ZNF516: variants seen among roughly 807,000 people sequenced by gnomAD.
ZNF516 encodes the protein zinc finger protein 516.
In ZNF516, 19 loss-of-function variants were observed where a neutral mutation model predicts 79.7. That is an observed-to-expected ratio of 0.24 (90% CI 0.17 to 0.35). ZNF516 has a LOEUF of 0.35. Ranked by LOEUF, ZNF516 falls within the 10% of genes least tolerant of loss-of-function variation. The probability of loss-of-function intolerance (pLI) is 1.00; values close to 1 mark genes in which losing one functional copy is unlikely to be tolerated. For missense variants in ZNF516, 1,678 were observed against 1,679.5 expected (o/e 1.00, Z 0.02); for synonymous variants, 877 against 739.5 (o/e 1.19, Z -3.02).
chr18:76,425,821 A>G (rs2075586091), intron 3 of ZNF516, among the ~76,000 whole-genome samples: 1 of 152,232 alleles, frequency 6.6e-6, no homozygotes, highest in Non-Finnish European at 1.5e-5. Context: ...GTCGAGGTCC[A>G]GGTAAGAGAC....
At chr18:76,409,105 T>C (rs2075340022) in intron 3 of ZNF516, among the ~76,000 whole-genome samples, 1 of 152,152 alleles carries the variant, frequency 6.6e-6, no homozygotes. Flanking sequence ...ATCTCCCTAA[T>C]ATAAGCAAAT....
intron 1 of ZNF516, among the ~76,000 whole-genome samples, chr18:76,473,904 G>GTGTGTGTGT (rs1555718878): frequency 1.2e-3 from 78 of 63,052 alleles, no homozygotes; most frequent in Non-Finnish European, 2.1e-3. Context: ...GTTTTTGTGT[G>GTGTGTGTGT]GGGGGGGGGG....
chr18:76,488,124 A>G (rs955816951), intron 1 of ZNF516: 131 of 984,814 alleles, frequency 1.3e-4, no homozygotes, highest in Non-Finnish European at 1.5e-4. Context: ...ATGTATTCCA[A>G]CCATCACCCA....
intron 1 of ZNF516, among the ~76,000 whole-genome samples, chr18:76,469,897 G>A (rs1913725468): frequency 6.6e-6 from 1 of 152,092 alleles, no homozygotes; most frequent in Non-Finnish European, 1.5e-5. Context: ...AAAAAGTATA[G>A]GTTTTAAATG....
At chr18:76,384,442 C>T (rs1390598517) in intron 3 of ZNF516, among the ~76,000 whole-genome samples, 2 of 135,378 alleles carry the variant, frequency 1.5e-5, no homozygotes, top group Non-Finnish European at 3.2e-5. Flanking sequence ...TCTCACGCCC[C>T]GTCCACGCCC....
chr18:76,436,971 G>A (rs987084825), intron 3 of ZNF516, among the ~76,000 whole-genome samples: 3 of 152,034 alleles, frequency 2.0e-5, no homozygotes, highest in African/African-American at 7.2e-5. Flanking sequence ...GGAGGCTGAG[G>A]TGAAAGGATG....
chr18:76,430,835 G>A (rs1205716695), intron 3 of ZNF516, among the ~76,000 whole-genome samples: 9 of 152,110 alleles, frequency 5.9e-5, no homozygotes, highest in Admixed American at 2.0e-4. Context: ...CTAACAGTTC[G>A]CCCAAATGTC....
rs571461431 is a variant in ZNF516 at position 76,440,761 on chromosome 18, T to TGTGTGTGTGTGTGCGC, written c.1810+483_1810+484insGCGCACACACACACAC. Among the ~76,000 whole-genome samples, 39 of 150,240 alleles carry TGTGTGTGTGTGTGCGC rather than the reference T, an allele frequency of 2.6e-4. No individual in the cohort carries two copies. The Middle Eastern group carries it at 0.014, about 52-fold the overall frequency. ...GTGTGTTTGTGTGTGTGTGTGTGTG[T>TGTGTGTGTGTGTGCGC]GCGCGCACGCGCGCATGCATCGTAT... On this transcript the variant is annotated intron_variant, in intron 3 of 6. Coordinates refer to ENST00000443185, the MANE Select transcript of ZNF516 (RefSeq NM_014643.4).
chr18:76,408,461 T>C (rs1357915263), intron 3 of ZNF516, among the ~76,000 whole-genome samples: 1 of 152,024 alleles, frequency 6.6e-6, no homozygotes, highest in African/African-American at 2.4e-5. Flanking sequence ...TAAGAAGAAG[T>C]GCATGGCTCT....
intron 6 of ZNF516, among the ~76,000 whole-genome samples, chr18:76,366,581 A>G (rs761801525): frequency 6.6e-6 from 1 of 152,248 alleles, no homozygotes; most frequent in Non-Finnish European, 1.5e-5. Context: ...TGAGTTCATA[A>G]GCAACATCTA....
In ZNF516 at chr18:76,380,219, T is replaced by A; in HGVS notation, c.1895A>T (p.Asp632Val). Residue 632 changes from aspartate (D) to valine (V), a missense_variant, in exon 4 of 7, where the codon GAT becomes GTT. Physicochemically the swap from Asp to Val is radical, Grantham distance 152. Around this residue, in one of 5 missense-constraint regions of ZNF516, gnomAD observed 1,294 missense variants for 1,248.3 expected, o/e 1.04. Transcript: ENST00000443185. ...GCCGGTGTCTCTTTCCGAGGCGTTA[T>A]CTCCCATCTTGTGACTCTGGTCTCC... ...SSGDQSHKMG[D>V]NASERDTGES... The A allele has an allele frequency of 6.2e-7, 1 of 1,613,976 alleles. No individual in the cohort carries two copies.
chr18:76,392,627 A>C lies in ZNF516; in HGVS notation c.1811-12324T>G, dbSNP rs112206123. On this transcript the variant is annotated intron_variant, in intron 3 of 6. Transcript: ENST00000443185. ...AGGGCAGGTGGGAAGACAAGTGGCC[A>C]GGTGGAGGGAGGGCAGGCGGGAAGG... is the stretch of plus-strand genomic sequence containing the variant. Among the ~76,000 whole-genome samples the C allele has an allele frequency of 3.8e-5, 3 of 78,708 alleles. No individual in the cohort carries two copies. The East Asian group carries it at 1.3e-3, about 35-fold the overall frequency. 51.6% of individuals were successfully genotyped at this position (78,708 alleles called of 152,430 possible).
chr18:76,375,767 G>T (rs570823961), intron 4 of ZNF516, among the ~76,000 whole-genome samples: 1 of 150,982 alleles, frequency 6.6e-6, no homozygotes, highest in East Asian at 2.0e-4. Context: ...AGACCAGGTA[G>T]AGGATGGATG....
At chr18:76,413,019 G>C (rs1272789748) in intron 3 of ZNF516, among the ~76,000 whole-genome samples, 1 of 152,204 alleles carries the variant, frequency 6.6e-6, no homozygotes. Flanking sequence ...TTAGACATGA[G>C]ACACTGCACC....
intron 1 of ZNF516, among the ~76,000 whole-genome samples, chr18:76,489,775 A>C (rs1915054196): frequency 6.6e-6 from 1 of 152,200 alleles, no homozygotes; most frequent in Non-Finnish European, 1.5e-5. Context: ...TTCTTGATCT[A>C]GTGTATTTCA....
At chr18:76,466,468 C>G (rs908677049) in intron 1 of ZNF516, among the ~76,000 whole-genome samples, 3 of 152,268 alleles carry the variant, frequency 2.0e-5, no homozygotes, top group African/African-American at 7.2e-5. Flanking sequence ...GCTCACCAGG[C>G]TACCAGCATC....
At chr18:76,414,335 C>A (rs989660773) in intron 3 of ZNF516, among the ~76,000 whole-genome samples, 6 of 152,178 alleles carry the variant, frequency 3.9e-5, no homozygotes, top group Admixed American at 6.5e-5. Flanking sequence ...GATACCAGTT[C>A]CACGTGTTAT....
intron 2 of ZNF516, 118 bp from the exon 3 acceptor site, chr18:76,443,329 G>A (rs559191794): frequency 3.1e-5 from 14 of 448,908 alleles, no homozygotes; most frequent in Middle Eastern, 5.6e-4. Context: ...TAAGAAAAGC[G>A]GCACCAACAA....
Position 76,379,440 on chromosome 18 carries a change from G to A in ZNF516, c.2674C>T (p.His892Tyr). The part of the protein sequence containing the change: ...PDGYRQTKPC[H>Y]GQEPHGAATQ... Reference sequence around the variant, plus strand: ...GCCGCGCCATGTGGCTCCTGGCCGTGACAAGGTTTGGTCTGTCGATACCCG... The same window carrying A: ...GCCGCGCCATGTGGCTCCTGGCCGTAACAAGGTTTGGTCTGTCGATACCCG... The change falls in exon 4 of 7, where the codon CAC (histidine) becomes TAC (tyrosine). Residue 892 changes from histidine (H) to tyrosine (Y), a missense_variant. Around this residue, in one of 5 missense-constraint regions of ZNF516, gnomAD observed 1,294 missense variants for 1,248.3 expected, o/e 1.04. Coordinates refer to ENST00000443185, the MANE Select transcript of ZNF516 (RefSeq NM_014643.4). 6.2e-7 allele frequency: 1 copy of A among 1,612,790 alleles called. No homozygotes were observed. The highest frequency in any genetic ancestry group is 8.5e-7 in the Non-Finnish European group (1 of 1,179,498).
Sources: gnomAD v4.1 joint callset for allele counts (sites outside exome capture counted in the v4.1 genomes callset) on GRCh38, gnomAD v4.1.1 for gene constraint, gnomAD v4.1.1 regional missense constraint, MANE v1.5 for transcripts, NCBI Gene and HGNC (gene_info 2026-07-23, HGNC 2026-07-21) for gene names.